Variants in KIAA1671 observed in about 807,000 individuals in gnomAD.
KIAA1671 encodes the protein KIAA1671.
KIAA1671 carries 52 observed loss-of-function variants against 131.2 expected under a neutral mutation model. The ratio of observed to expected loss-of-function variants is 0.40; its 90% CI spans 0.32 to 0.50. The LOEUF (loss-of-function observed/expected upper bound fraction) is 0.50, where lower values mean the gene tolerates loss of function less well. KIAA1671 is among the 20% of genes least tolerant of loss of function. KIAA1671 has a pLI of 0.73. For missense variants in KIAA1671, 2,360 were observed against 2,364.2 expected, an observed-to-expected ratio of 1.00 and a Z score of 0.04; for synonymous variants, 1,003 against 961.6, an observed-to-expected ratio of 1.04 and a Z score of -0.80.
chr22:25,132,339 A>C (rs760670311), intron 6 of KIAA1671, among the ~76,000 whole-genome samples: 5 of 152,120 alleles, frequency 3.3e-5, no homozygotes, highest in Non-Finnish European at 7.4e-5. Context: ...TGGAGTTTTA[A>C]AAGCTCCTAG....
Position 25,040,483 on chromosome 22 carries a change from AC to A in KIAA1671, c.3356del (p.Pro1119LeufsTer48). 1 of 1,551,942 alleles carries A rather than the reference AC, an allele frequency of 6.4e-7. No individual in the cohort carries two copies. Among genetic ancestry groups the A allele is most frequent in the Non-Finnish European group, 8.7e-7 (1 of 1,147,038 alleles). On this transcript the variant is annotated frameshift_variant, in exon 5 of 13. Transcript: ENST00000358431. LOFTEE classifies it high-confidence loss of function. Reference sequence around the variant, plus strand: ...TCATCTCTTGGGGCCTGGAGTCTGGACCCTTTCAATGGAAGAATCATTGATG... The same window carrying A: ...TCATCTCTTGGGGCCTGGAGTCTGGACCTTTCAATGGAAGAATCATTGATG... ...RPSSLGAWSL[D>X]PFNGRIIDVD... is the part of the protein sequence containing the mutation.
intron 6 of KIAA1671, among the ~76,000 whole-genome samples, chr22:25,116,430 T>TGTAC (rs1177766071): frequency 1.0e-3 from 144 of 140,264 alleles, no homozygotes; most frequent in African/African-American, 2.6e-3. Flanking sequence ...TATGTATGTA[T>TGTAC]GTACGTATTG....
In KIAA1671 at chr22:25,049,237, C is replaced by T. The variant is rs1927402888; in HGVS notation, c.4403C>T (p.Pro1468Leu). 3 of 1,551,748 alleles carry T rather than the reference C, an allele frequency of 1.9e-6. No homozygotes were observed. In the South Asian group the frequency reaches 3.6e-5, roughly 18 times the overall value. The change falls in exon 6 of 13, where the codon CCA (proline) becomes CTA (leucine). Residue 1468 changes from proline to leucine, a missense_variant. Around this residue, in one of 3 missense-constraint regions of KIAA1671, gnomAD observed 1,161 missense variants for 1,204.7 expected, o/e 0.96. Coordinates refer to ENST00000358431, the MANE Select transcript of KIAA1671 (RefSeq NM_001145206.2). ...TTGTGCTCTGTGTTTCAGGTGCTGC[C>T]ACGGGACCTGGAGAAGGAGGATGCC... is the stretch of plus-strand genomic sequence containing the variant. ...SGTGDSHKVL[P>L]RDLEKEDAPQ...
intron 1 of KIAA1671, among the ~76,000 whole-genome samples, chr22:25,003,708 G>A (rs1924593780): frequency 1.3e-5 from 2 of 151,600 alleles, no homozygotes; most frequent in Admixed American, 6.6e-5. Flanking sequence ...CACTGCGCCC[G>A]GCCCACTTGG....
chr22:25,027,267 A>C (rs1243323951), intron 2 of KIAA1671, among the ~76,000 whole-genome samples: 1 of 152,080 alleles, frequency 6.6e-6, no homozygotes, highest in African/African-American at 2.4e-5. Context: ...GGACAAAGGG[A>C]TGATTGGGTG....
chr22:25,053,189 G>T (rs1198934779), intron 6 of KIAA1671: 1 of 152,190 alleles, frequency 6.6e-6, no homozygotes, highest in Non-Finnish European at 1.5e-5. Context: ...CAGAGCTGGG[G>T]CTGGAGTTCT....
chr22:24,978,948 G>C (rs1923062309), intron 1 of KIAA1671, among the ~76,000 whole-genome samples: 1 of 150,648 alleles, frequency 6.6e-6, no homozygotes, highest in South Asian at 2.1e-4. Context: ...GCCTCCCACA[G>C]TGCTGGGATT....
intron 1 of KIAA1671, among the ~76,000 whole-genome samples, chr22:25,003,038 G>C (rs1429998209): frequency 6.6e-6 from 1 of 152,168 alleles, no homozygotes; most frequent in Non-Finnish European, 1.5e-5. Context: ...CTCCCAAAGT[G>C]CTGGGATTAC....
chr22:25,084,834 G>A (rs981862399), intron 6 of KIAA1671, among the ~76,000 whole-genome samples: 18 of 152,348 alleles, frequency 1.2e-4, no homozygotes, highest in African/African-American at 4.1e-4. Context: ...TTTGGCACAC[G>A]TGATGGTTCA....
chr22:24,979,346 A>ATTTTTTTTTTTTTTTTT, intron 1 of KIAA1671, among the ~76,000 whole-genome samples: 1 of 130,622 alleles, frequency 7.7e-6, no homozygotes, highest in Non-Finnish European at 1.6e-5. Flanking sequence ...TTATTTATTT[A>ATTTTTTTTTTTTTTTTT]TTTATTTATT....
At chr22:25,049,564 G>A (rs1007504029) in intron 6 of KIAA1671, 200 bp downstream of exon 6, 141 of 557,170 alleles carry the variant, frequency 2.5e-4, no homozygotes, top group Non-Finnish European at 4.6e-5. Context: ...TGGCTCTGCT[G>A]GGGAAACCTT....
At chr22:25,145,261 G>A (rs1276412212) in intron 6 of KIAA1671, among the ~76,000 whole-genome samples, 3 of 152,208 alleles carry the variant, frequency 2.0e-5, no homozygotes, top group Non-Finnish European at 2.9e-5. Flanking sequence ...CCCCAGTGGG[G>A]GTGGGTTGAG....
intron 1 of KIAA1671, among the ~76,000 whole-genome samples, chr22:24,967,812 G>A (rs1160606445): frequency 1.3e-5 from 2 of 152,154 alleles, no homozygotes. Flanking sequence ...CTAACACGGT[G>A]AAACCCTGTC....
chr22:25,061,361 C>G (rs886452238), intron 6 of KIAA1671: 4 of 152,208 alleles, frequency 2.6e-5, no homozygotes, highest in African/African-American at 9.7e-5. Flanking sequence ...TGCACCCTAT[C>G]CTGTGAACTC....
intron 6 of KIAA1671, among the ~76,000 whole-genome samples, chr22:25,068,731 C>A (rs1405895404): frequency 6.6e-6 from 1 of 152,220 alleles, no homozygotes; most frequent in Non-Finnish European, 1.5e-5. Flanking sequence ...CCACCGTGCC[C>A]AGCCCACCCT....
intron 1 of KIAA1671, among the ~76,000 whole-genome samples, chr22:24,980,664 A>G (rs552143967): frequency 6.6e-6 from 1 of 152,112 alleles, no homozygotes; most frequent in Non-Finnish European, 1.5e-5. Context: ...CATCTTCCAC[A>G]GTGGCTACAC....
intron 1 of KIAA1671, among the ~76,000 whole-genome samples, chr22:24,968,471 T>C (rs960825708): frequency 1.6e-4 from 24 of 152,196 alleles, no homozygotes; most frequent in African/African-American, 5.5e-4. Context: ...CGCAGTCATG[T>C]CCTGGCTCTG....
chr22:25,105,080 A>G (rs1000013949), intron 6 of KIAA1671, among the ~76,000 whole-genome samples: 1 of 151,730 alleles, frequency 6.6e-6, no homozygotes, highest in African/African-American at 2.4e-5. Flanking sequence ...CTGGAATGCA[A>G]TGGTGTGTTC....
chr22:25,172,948 A>G (rs1933899508), intron 7 of KIAA1671, among the ~76,000 whole-genome samples: 1 of 152,176 alleles, frequency 6.6e-6, no homozygotes, highest in Non-Finnish European at 1.5e-5. Flanking sequence ...GGCCAATTAT[A>G]TTAGTCTGTT....
Sources: allele counts gnomAD v4.1 joint callset (sites outside exome capture counted in the v4.1 genomes callset), GRCh38; gene constraint gnomAD v4.1.1; regional missense constraint gnomAD v4.1.1; transcripts MANE v1.5; gene names NCBI Gene and HGNC (gene_info 2026-07-23, HGNC 2026-07-21).